The following SLC9A9 variants were observed in gnomAD, a reference collection of about 807,000 sequenced individuals.
SLC9A9 encodes the protein solute carrier family 9 member A9, also known as sodium/hydrogen exchanger 9.
Under a neutral mutation model 77.8 loss-of-function variants are expected in SLC9A9, and 62 were observed. The observed-to-expected ratio is 0.80, with a 90% CI of 0.65 to 0.98. The LOEUF is 0.98. SLC9A9 is among the 50% of genes least tolerant of loss of function. The pLI is 0.00. For synonymous variants in SLC9A9, 320 were observed against 283.5 expected (o/e 1.13, Z -1.29); for missense variants, 775 against 774.9 (o/e 1.00, Z 0.00).
At chr3:143,795,121 T>C in intron 3 of SLC9A9, 44 bp from the exon 4 acceptor site, 1 of 1,540,270 alleles carries the variant, frequency 6.5e-7, no homozygotes, top group African/African-American at 1.4e-5. Context: ...TCAGAATTTT[T>C]TCTTAGTGCA....
At chr3:143,388,164 G>C (rs1172984982) in intron 12 of SLC9A9, among the ~76,000 whole-genome samples, 2 of 152,144 alleles carry the variant, frequency 1.3e-5, no homozygotes, top group African/African-American at 2.4e-5. Context: ...ACTAAGGTTT[G>C]GGGACTATTG....
At chr3:143,608,165 G>A (rs2037959553) in intron 6 of SLC9A9, among the ~76,000 whole-genome samples, 1 of 152,194 alleles carries the variant, frequency 6.6e-6, no homozygotes, top group Admixed American at 6.5e-5. Flanking sequence ...GGATAACAGA[G>A]CAGACTCTTG....
At chr3:143,477,330 ATTTTTT>A (rs59195338) in intron 11 of SLC9A9, among the ~76,000 whole-genome samples, 6 of 100,000 alleles carry the variant, frequency 6.0e-5, no homozygotes, top group Admixed American at 1.1e-4. Context: ...GGCTTCTTCA[ATTTTTT>A]TTTTTTTTTT....
chr3:143,805,619 A>T (rs1014603842), intron 2 of SLC9A9, among the ~76,000 whole-genome samples: 16 of 152,016 alleles, frequency 1.1e-4, no homozygotes, highest in African/African-American at 3.9e-4. Context: ...ACCACCACAA[A>T]AGAGGTGAAA....
intron 1 of SLC9A9, among the ~76,000 whole-genome samples, chr3:143,832,612 AT>A (rs1466148740): frequency 6.6e-6 from 1 of 152,084 alleles, no homozygotes; most frequent in Non-Finnish European, 1.5e-5. Flanking sequence ...ATTAGCACAA[AT>A]CTCAGTTATC....
At chr3:143,470,930 A>G (rs1161291941) in intron 11 of SLC9A9, among the ~76,000 whole-genome samples, 1 of 152,230 alleles carries the variant, frequency 6.6e-6, no homozygotes, top group African/African-American at 2.4e-5. Flanking sequence ...ATCTATATCT[A>G]TATATAGAAC....
intron 4 of SLC9A9, among the ~76,000 whole-genome samples, chr3:143,758,177 G>A (rs901407712): frequency 6.6e-6 from 1 of 152,154 alleles, no homozygotes; most frequent in Non-Finnish European, 1.5e-5. Flanking sequence ...ACTCATGGTC[G>A]ATAGCCCACA....
chr3:143,299,998 A>T (rs1028764064), intron 14 of SLC9A9, among the ~76,000 whole-genome samples: 2 of 152,190 alleles, frequency 1.3e-5, no homozygotes, highest in African/African-American at 2.4e-5. Flanking sequence ...GAGATCGCTA[A>T]TCTTTTCTCT....
At chr3:143,395,592 A>G (rs1484942493) in intron 12 of SLC9A9, among the ~76,000 whole-genome samples, 4 of 152,242 alleles carry the variant, frequency 2.6e-5, no homozygotes, top group East Asian at 1.9e-4. Flanking sequence ...GCCAAAATAG[A>G]CAAATGGGAT....
chr3:143,607,347 G>A (rs1486489907), intron 6 of SLC9A9, among the ~76,000 whole-genome samples: 1 of 151,998 alleles, frequency 6.6e-6, no homozygotes, highest in Non-Finnish European at 1.5e-5. Context: ...GAAAGAGTAG[G>A]TGCATGAAGC....
chr3:143,405,384 C>T (rs574930276), intron 12 of SLC9A9, among the ~76,000 whole-genome samples: 2 of 152,214 alleles, frequency 1.3e-5, no homozygotes, highest in African/African-American at 2.4e-5. Flanking sequence ...AGCAAGCAGT[C>T]GGGGAGAGGA....
intron 2 of SLC9A9, among the ~76,000 whole-genome samples, chr3:143,809,447 C>CA (rs1199287989): frequency 6.6e-6 from 1 of 152,304 alleles, no homozygotes; most frequent in South Asian, 2.1e-4. Context: ...ACTGCTAAAT[C>CA]AGAGTTCTGG....
intron 9 of SLC9A9, among the ~76,000 whole-genome samples, chr3:143,532,772 A>C (rs2036531449): frequency 6.6e-6 from 1 of 152,152 alleles, no homozygotes; most frequent in African/African-American, 2.4e-5. Flanking sequence ...TCTGGTACAT[A>C]TCTCACTTAG....
At chr3:143,280,727 T>C (rs1191763258) in intron 14 of SLC9A9, among the ~76,000 whole-genome samples, 1 of 151,818 alleles carries the variant, frequency 6.6e-6, no homozygotes, top group East Asian at 1.9e-4. Flanking sequence ...ATTTTTGTAT[T>C]TTTTTAGTAG....
intron 11 of SLC9A9, among the ~76,000 whole-genome samples, chr3:143,475,238 A>AT (rs1175357546): frequency 6.7e-6 from 1 of 149,976 alleles, no homozygotes; most frequent in African/African-American, 2.5e-5. Flanking sequence ...AAGTGCTGGG[A>AT]TTACAGGCGT....
chr3:143,289,057 T>C (rs1938459629), intron 14 of SLC9A9, among the ~76,000 whole-genome samples: 1 of 152,188 alleles, frequency 6.6e-6, no homozygotes, highest in South Asian at 2.1e-4. Flanking sequence ...ACTGTCAGAC[T>C]TTAAACCCAT....
At chr3:143,532,470 T>C (rs1443656496) in intron 9 of SLC9A9, among the ~76,000 whole-genome samples, 1 of 152,182 alleles carries the variant, frequency 6.6e-6, no homozygotes, top group Non-Finnish European at 1.5e-5. Context: ...TTTAAAAATA[T>C]CAATGGATAT....
At chr3:143,575,891 C>T (rs1042663475) in intron 7 of SLC9A9, among the ~76,000 whole-genome samples, 3 of 152,088 alleles carry the variant, frequency 2.0e-5, no homozygotes, top group Admixed American at 6.6e-5. Context: ...CATTTATCTC[C>T]TTCATAGCCT....
intron 5 of SLC9A9, among the ~76,000 whole-genome samples, chr3:143,692,282 G>C (rs937152225): frequency 6.6e-6 from 1 of 151,936 alleles, no homozygotes; most frequent in African/African-American, 2.4e-5. Flanking sequence ...ATCTTGATTT[G>C]TGCAAACTGC....
Sources: gnomAD v4.1 joint callset for allele counts (sites outside exome capture counted in the v4.1 genomes callset) on GRCh38, gnomAD v4.1.1 for gene constraint, MANE v1.5 for transcripts, NCBI Gene and HGNC (gene_info 2026-07-23, HGNC 2026-07-21) for gene names.